Variants in POLR1C observed in about 807,000 individuals in gnomAD.
POLR1C encodes the protein RNA polymerase I and III subunit C.
POLR1C carries 42 observed loss-of-function variants against 38.3 expected under a neutral mutation model. That is an observed-to-expected ratio of 1.10 (90% CI 0.86 to 1.42). POLR1C has a LOEUF of 1.42. Ranked by LOEUF, POLR1C falls within the 40% of genes most tolerant of loss-of-function variation. The pLI is 0.00. For missense variants in POLR1C, 507 were observed against 450.5 expected (o/e 1.13, Z -1.14); for synonymous variants, 163 against 163.9 (o/e 0.99, Z 0.04).
At chr6:43,536,650 C>T (rs1478556555) in intron 9 of POLR1C, among the ~76,000 whole-genome samples, 1 of 148,452 alleles carries the variant, frequency 6.7e-6, no homozygotes, top group Non-Finnish European at 1.5e-5. Flanking sequence ...ATCCCAGCTA[C>T]TCAGGAGGCT....
chr6:43,548,521 G>A (rs879838077), intron 9 of POLR1C: 26 of 1,384,538 alleles, frequency 1.9e-5, no homozygotes, highest in Middle Eastern at 1.9e-4. Context: ...AGGAGAGGTG[G>A]CTTACTCAAG....
At chr6:43,550,459 G>A (rs1582224993) in intron 9 of POLR1C, among the ~76,000 whole-genome samples, 1 of 152,062 alleles carries the variant, frequency 6.6e-6, no homozygotes, top group African/African-American at 2.4e-5. Context: ...TCATTTCTCT[G>A]GCTCTTTTTC....
At chr6:43,528,070 G>T in intron 8 of POLR1C, 1 of 1,327,760 alleles carries the variant, frequency 7.5e-7, no homozygotes, top group East Asian at 2.5e-5. Flanking sequence ...TTCTACCCTG[G>T]GACAGCAGAA....
At position 43,519,161 on chromosome 6, in the gene POLR1C, T is replaced by C. The variant is rs943451072; in HGVS notation, c.142-172T>C. ...GAATGGACGACAAAAATGGAGACTT[T>C]TCATGAAACTTAAAACACTGGGCGA... On this transcript the variant is annotated intron_variant, in intron 2 of 8. Coordinates refer to ENST00000642195, the MANE Select transcript of POLR1C (RefSeq NM_203290.4). 1.5e-5 allele frequency: 10 copies of C among 655,492 alleles called. No homozygotes were observed. The African/African-American group carries it at 1.8e-4, about 12-fold the overall frequency. The allele number at this position is 655,492 out of a possible 1,614,324, so 40.6% of individuals were successfully genotyped here.
At chr6:43,562,101 A>AT in exon 11 of POLR1C, 1 of 549,460 alleles carries the variant, frequency 1.8e-6, no homozygotes, top group Non-Finnish European at 3.2e-6. Context: ...AAGATAATTT[A>AT]ATCTATAGAA....
chr6:43,560,047 G>A lies in POLR1C; in HGVS notation c.*49-1353G>A, dbSNP rs1762331594. Reference sequence around the variant, plus strand: ...TCGCACAGGCTGGTCTCCAACTCCTGGGCTCAAGCGATCCTCCCGCCTCAG... The same window carrying A: ...TCGCACAGGCTGGTCTCCAACTCCTAGGCTCAAGCGATCCTCCCGCCTCAG... On this transcript the variant is annotated intron_variant, in intron 10 of 10. Transcript: ENST00000607635. The A allele has an allele frequency of 6.0e-6, 7 of 1,162,328 alleles. No homozygotes were observed. In the South Asian group the frequency reaches 1.0e-4, roughly 17 times the overall value. The allele number at this position is 1,162,328 out of a possible 1,614,324, so 72.0% of individuals were successfully genotyped here. A position where few individuals can be genotyped will look rare whatever the true frequency, so the allele number is the denominator to read the frequency against.
chr6:43,523,996 C>T, downstream of POLR1C: 2 of 1,612,996 alleles, frequency 1.2e-6, no homozygotes, highest in Non-Finnish European at 1.7e-6. Flanking sequence ...AACTGCTCTC[C>T]CAAGGGTTTC....
At chr6:43,552,460 C>T (rs1795278907) in intron 10 of POLR1C, among the ~76,000 whole-genome samples, 1 of 152,162 alleles carries the variant, frequency 6.6e-6, no homozygotes, top group Non-Finnish European at 1.5e-5. Context: ...TCAAGCGATT[C>T]CTGTACCTCA....
chr6:43,555,925 C>T, intron 10 of POLR1C: 1 of 1,613,992 alleles, frequency 6.2e-7, no homozygotes, highest in Non-Finnish European at 8.5e-7. Flanking sequence ...ATCCAAACGA[C>T]ATGCCAACCT....
intron 10 of POLR1C, among the ~76,000 whole-genome samples, chr6:43,559,760 T>C (rs923589619): frequency 6.6e-6 from 1 of 152,210 alleles, no homozygotes; most frequent in Non-Finnish European, 1.5e-5. Context: ...TAAGAAAATA[T>C]GTCCAGTAAA....
chr6:43,538,082 CA>C (rs1217531011), intron 9 of POLR1C, among the ~76,000 whole-genome samples: 6,258 of 36,136 alleles, frequency 0.17, 116 homozygotes, highest in African/African-American at 0.26. Context: ...AAGATGGTCT[CA>C]AAAAAAAAAA....
chr6:43,549,400 T>C (rs1795121415), intron 9 of POLR1C: 5 of 1,319,468 alleles, frequency 3.8e-6, no homozygotes, highest in African/African-American at 3.0e-5. Context: ...TAGTTTCTAG[T>C]TTTTTCTTTA....
At chr6:43,559,406 CA>C (rs1762290639) in intron 10 of POLR1C, among the ~76,000 whole-genome samples, 1 of 152,220 alleles carries the variant, frequency 6.6e-6, no homozygotes, top group African/African-American at 2.4e-5. Context: ...TTGAGATTAA[CA>C]ATCTGTCAAC....
In POLR1C at chr6:43,536,787, A is replaced by AAG. The variant is rs1554133582; in HGVS notation, c.*4+7429_*4+7430insGA. 3.0e-4 allele frequency among the ~76,000 whole-genome samples: 44 copies of AAG among 148,474 alleles called. 1 individual carries two copies. The highest frequency in any genetic ancestry group is 1.1e-3 in the African/African-American group (42 of 39,018). Reference sequence around the variant, plus strand: ...AAAAAAAAAAAAAAAAAAAAAAAAAAAAAGCAGCTTTACTTTTTGGGTTTT... The same window carrying AAG: ...AAAAAAAAAAAAAAAAAAAAAAAAAAAGAAAGCAGCTTTACTTTTTGGGTTTT... On this transcript the variant is annotated intron_variant, in intron 9 of 10. Transcript: ENST00000607635.
rs920203485 is a variant in POLR1C, at chr6:43,536,894, G to A, written c.*4+7535G>A. 3.3e-5 allele frequency among the ~76,000 whole-genome samples: 5 copies of A among 151,318 alleles called. 1 individual carries two copies. Among genetic ancestry groups the A allele is most frequent in the African/African-American group, 1.2e-4 (5 of 41,198 alleles). On this transcript the variant is annotated intron_variant, in intron 9 of 10. Coordinates refer to the POLR1C transcript ENST00000607635. ...TCTAACACGGTGAAACAGACAATAT[G>A]GTGTCTGTCCTCGACAACTCAACTC...
chr6:43,518,707 A>C (rs923623111), intron 2 of POLR1C, among the ~76,000 whole-genome samples: 3 of 152,146 alleles, frequency 2.0e-5, no homozygotes, highest in Non-Finnish European at 2.9e-5. Flanking sequence ...TTTGCTTTTC[A>C]TGAGGCACTC....
In POLR1C at chr6:43,519,436, C is replaced by T; in HGVS notation, c.245C>T (p.Ala82Val). 1 of 1,607,514 alleles carries T rather than the reference C, an allele frequency of 6.2e-7. No individual in the cohort carries two copies. Among genetic ancestry groups the T allele is most frequent in the East Asian group, 2.2e-5 (1 of 44,878 alleles). Reference protein sequence around the residue: ...IANAFRRILLAEVPTMAVEKV... With the variant: ...IANAFRRILLVEVPTMAVEKV... ...AATGCTTTTCGACGAATTCTGCTAG[C>T]TGAGGTATTGGCAGGCATGGTGACA... Residue 82 changes from alanine (A) to valine (V), a missense_variant, in exon 3 of 9, where the codon GCT (alanine) becomes GTT (valine). Physicochemically the swap from Ala to Val is moderately conservative, Grantham distance 64. Transcript: ENST00000642195.
Position 43,521,020 on chromosome 6 carries a change from G to T in POLR1C, c.894G>T (p.Arg298Ser). The change falls in exon 8 of 9, where the codon AGG becomes AGT. Residue 298 changes from arginine (R) to serine (S), a missense_variant. Physicochemically the swap from Arg to Ser is moderately radical, Grantham distance 110. Coordinates refer to ENST00000642195, the MANE Select transcript of POLR1C (RefSeq NM_203290.4). ...FRNEKLKKVV[R>S]LARVRDHYIF... ...ATGAGAAGCTAAAGAAGGTTGTGAG[G>T]CTTGCCCGGGTTCGAGATCATTATA... 1 of 1,614,158 alleles carries T rather than the reference G, an allele frequency of 6.2e-7. No homozygotes were observed. The highest frequency in any genetic ancestry group is 8.5e-7 in the Non-Finnish European group (1 of 1,180,002).
chr6:43,547,901 A>G (rs369560035), intron 9 of POLR1C, among the ~76,000 whole-genome samples: 4 of 152,212 alleles, frequency 2.6e-5, no homozygotes, highest in African/African-American at 9.6e-5. Flanking sequence ...ATTATTAGTA[A>G]CAATTTAAGA....
Sources: gnomAD v4.1 joint callset for allele counts (sites outside exome capture counted in the v4.1 genomes callset) on GRCh38, gnomAD v4.1.1 for gene constraint, MANE v1.5 for transcripts, NCBI Gene and HGNC (gene_info 2026-07-23, HGNC 2026-07-21) for gene names.